Variants in CEP152 observed in about 807,000 individuals in gnomAD.
The protein encoded by CEP152 is centrosomal protein 152.
Under a neutral mutation model 188.9 loss-of-function variants are expected in CEP152, and 132 were observed. The ratio of observed to expected loss-of-function variants is 0.70; its 90% CI spans 0.61 to 0.81. The LOEUF is 0.81. CEP152 is among the 30% of genes least tolerant of loss of function. CEP152 has a pLI of 0.00. For synonymous variants in CEP152, 649 were observed against 666.6 expected (o/e 0.97, Z 0.41); for missense variants, 1,914 against 1,969.8 (o/e 0.97, Z 0.54).
intron 5 of CEP152, among the ~76,000 whole-genome samples, chr15:48,796,416 C>T (rs1897301761): frequency 6.6e-6 from 1 of 151,904 alleles, no homozygotes; most frequent in Non-Finnish European, 1.5e-5. Flanking sequence ...CTAAATTCTA[C>T]TTTTGAGCAC....
intron 21 of CEP152, among the ~76,000 whole-genome samples, chr15:48,749,289 C>A (rs1337711956): frequency 6.6e-6 from 1 of 151,838 alleles, no homozygotes; most frequent in Non-Finnish European, 1.5e-5. Context: ...TTAGTGCCAA[C>A]TGGGATAAAT....
chr15:48,803,771 T>C (rs952097735), intron 2 of CEP152, among the ~76,000 whole-genome samples: 13 of 152,312 alleles, frequency 8.5e-5, no homozygotes, highest in Non-Finnish European at 1.3e-4. Flanking sequence ...CACAATACAC[T>C]GGCAGACCTA....
chr15:48,785,817 G>C (rs1406487140), intron 9 of CEP152, among the ~76,000 whole-genome samples: 2 of 151,816 alleles, frequency 1.3e-5, no homozygotes, highest in African/African-American at 2.4e-5. Flanking sequence ...GTCTGATATG[G>C]GCAGACATTT....
In CEP152 at chr15:48,738,786, A is replaced by G. The variant is rs763713234; in HGVS notation, c.4596T>C (p.Gly1532=). ...GTGGATTGCATTTATATACTTTTAA[A>G]CCAAGTCTTTCATTAGAATCGCGAA... The part of the protein sequence containing the change: ...ITFRDSNERL[G]LKVYKCNPLM... The change falls in exon 27 of 27, where the codon GGT becomes GGC. Residue 1532 remains glycine (G), a synonymous_variant. Coordinates refer to ENST00000380950, the MANE Select transcript of CEP152 (RefSeq NM_001194998.2). The G allele has an allele frequency of 3.1e-6, 5 of 1,614,024 alleles. No homozygotes were observed. The highest frequency in any genetic ancestry group is 3.3e-5 in the Admixed American group (2 of 59,996).
At chr15:48,731,120 G>A (rs1240200390) in intron 2 of CEP152, among the ~76,000 whole-genome samples, 1 of 152,196 alleles carries the variant, frequency 6.6e-6, no homozygotes, top group Non-Finnish European at 1.5e-5. Context: ...CAGAATAGAA[G>A]GGGGCTGTCA....
chr15:48,773,676 G>C (rs1261461502), intron 12 of CEP152: 1 of 152,186 alleles, frequency 6.6e-6, no homozygotes, highest in Non-Finnish European at 1.5e-5. Flanking sequence ...CTAATTTAAA[G>C]GGCATCAAAT....
Position 48,805,625 on chromosome 15 carries a change from C to A in CEP152, c.25G>T (p.Ala9Ser), listed in dbSNP as rs1267195648. The change falls in exon 2 of 27, where the codon GCA (alanine) becomes TCA (serine). Residue 9 changes from alanine to serine, a missense_variant. Physicochemically the swap from Ala to Ser is moderately conservative, Grantham distance 99. Coordinates refer to ENST00000380950, the MANE Select transcript of CEP152 (RefSeq NM_001194998.2). MSLDFGSV[A>S]LPVQNEDEEY... ...TCATCTTCATTTTGCACTGGTAGTGCCACACTGCCAAAGTCTAATGACATG... is the reference window on the plus strand; with the variant it reads ...TCATCTTCATTTTGCACTGGTAGTGACACACTGCCAAAGTCTAATGACATG... 1.2e-6 allele frequency: 2 copies of A among 1,610,894 alleles called. No homozygotes were observed. Among genetic ancestry groups the A allele is most frequent in the Admixed American group, 3.3e-5 (2 of 59,758 alleles).
At chr15:48,753,411 T>C (rs1894021402) in intron 20 of CEP152, among the ~76,000 whole-genome samples, 1 of 152,238 alleles carries the variant, frequency 6.6e-6, no homozygotes, top group Admixed American at 6.5e-5. Flanking sequence ...ATGGAGAAAG[T>C]AGTCTTACTG....
At chr15:48,801,875 C>A (rs1432928191) in intron 2 of CEP152, among the ~76,000 whole-genome samples, 1 of 152,144 alleles carries the variant, frequency 6.6e-6, no homozygotes, top group Non-Finnish European at 1.5e-5. Flanking sequence ...AGTTGGATCA[C>A]CTGAAGTCAG....
In CEP152 at chr15:48,767,176, A is replaced by G; in HGVS notation, c.2164T>C (p.Leu722=). The part of the protein sequence containing the change: ...HLQLRSELDK[L]NKEVTAVQEC... Reference sequence around the variant, plus strand: ...TGCACAGCAGTCACCTCCTTATTCAACTTATCCAACTCAGACCTTGGATAC... The same window carrying G: ...TGCACAGCAGTCACCTCCTTATTCAGCTTATCCAACTCAGACCTTGGATAC... The change falls in exon 17 of 27, where the codon TTG becomes CTG. Residue 722 remains leucine, a synonymous_variant. Transcript: ENST00000380950. The G allele has an allele frequency of 6.2e-7, 1 of 1,613,838 alleles. No homozygotes were observed. Among genetic ancestry groups the G allele is most frequent in the East Asian group, 2.2e-5 (1 of 44,858 alleles).
chr15:48,750,887 T>C (rs929336064), intron 21 of CEP152, among the ~76,000 whole-genome samples: 5 of 152,112 alleles, frequency 3.3e-5, no homozygotes, highest in African/African-American at 9.7e-5. Flanking sequence ...TGGGGAGAGG[T>C]TGCAGGCATA....
chr15:48,756,416 T>C lies in CEP152; in HGVS notation c.2832A>G (p.Glu944=). 2 of 1,613,402 alleles carry C rather than the reference T, an allele frequency of 1.2e-6. No homozygotes were observed. Among genetic ancestry groups the C allele is most frequent in the Non-Finnish European group, 1.7e-6 (2 of 1,179,614 alleles). ...ACTCAGCCCTGATGACCACAGGGAC[T>C]TCTTCGTTCTTTAACTCAAGTTCCT... is the stretch of plus-strand genomic sequence containing the variant. ...LQKELELKNE[E]VPVVIRAELA... The change falls in exon 20 of 27, where the codon GAA becomes GAG. Residue 944 remains glutamate, a synonymous_variant. Transcript: ENST00000380950.
intron 9 of CEP152, 90 bp downstream of exon 9, chr15:48,788,711 A>G: frequency 8.3e-7 from 1 of 1,211,420 alleles, no homozygotes; most frequent in Non-Finnish European, 1.2e-6. Context: ...AACATCCAAG[A>G]CTTCTATATG....
intron 6 of CEP152, among the ~76,000 whole-genome samples, chr15:48,793,931 TAGACAGCCTCA>T: frequency 1.3e-5 from 2 of 152,310 alleles, no homozygotes; most frequent in East Asian, 3.9e-4. Flanking sequence ...AGAAAATTTC[TAGACAGCCTCA>T]AAATATTTTA....
rs1895793550 is a variant in CEP152, at chr15:48,774,952, TG to T, written c.1578-2262del. On this transcript the variant is annotated intron_variant, in intron 12 of 26. Coordinates refer to ENST00000380950, the MANE Select transcript of CEP152 (RefSeq NM_001194998.2). ...GGAATTCTTAACAGAGAAAGAAAAGTGATACAAGAACAAAATAGAAATGTTA... is the reference window on the plus strand; with the variant it reads ...GGAATTCTTAACAGAGAAAGAAAAGTATACAAGAACAAAATAGAAATGTTA... Among the ~76,000 whole-genome samples, 3 of 151,238 alleles carry T rather than the reference TG, an allele frequency of 2.0e-5. No individual in the cohort carries two copies. The South Asian group carries it at 6.3e-4, about 32-fold the overall frequency.
At chr15:48,765,782 T>G (rs979387793) in intron 17 of CEP152, 2 of 335,462 alleles carry the variant, frequency 6.0e-6, no homozygotes, top group Non-Finnish European at 5.7e-6. Context: ...GCCTCCCGTG[T>G]AGCTGGGACT....
chr15:48,765,636 A>T (rs1224116038), intron 17 of CEP152: 38 of 189,412 alleles, frequency 2.0e-4, no homozygotes, highest in Non-Finnish European at 2.3e-4. Flanking sequence ...GTTCTTGCCA[A>T]TTTTTTTTTT....
At chr15:48,784,775 CAAAG>C (rs1896514394) in intron 9 of CEP152, among the ~76,000 whole-genome samples, 1 of 152,006 alleles carries the variant, frequency 6.6e-6, no homozygotes, top group Non-Finnish European at 1.5e-5. Flanking sequence ...AAATAAATGA[CAAAG>C]AAAAATAGGG....
chr15:48,788,565 G>A (rs1316321049), intron 9 of CEP152, among the ~76,000 whole-genome samples: 1 of 148,498 alleles, frequency 6.7e-6, no homozygotes, highest in African/African-American at 2.5e-5. Context: ...GGCTGATCTT[G>A]AACTCCTGAC....
Sources: gnomAD v4.1 joint callset for allele counts (sites outside exome capture counted in the v4.1 genomes callset) on GRCh38, gnomAD v4.1.1 for gene constraint, MANE v1.5 for transcripts, NCBI Gene and HGNC (gene_info 2026-07-23, HGNC 2026-07-21) for gene names.